CYTH3: variants seen among roughly 807,000 people sequenced by gnomAD.
CYTH3 encodes the protein cytohesin-3.
Under a neutral mutation model 55.1 loss-of-function variants are expected in CYTH3, and 23 were observed. That is an observed-to-expected ratio of 0.42 (90% CI 0.30 to 0.59). The LOEUF (loss-of-function observed/expected upper bound fraction) is 0.59, where lower values mean the gene tolerates loss of function less well. Among genes scored for constraint, CYTH3 ranks in the 20% least tolerant of loss-of-function variants. The probability of loss-of-function intolerance (pLI) is 0.20; values close to 1 mark genes in which losing one functional copy is unlikely to be tolerated. For synonymous variants in CYTH3, 249 were observed against 194.9 expected (o/e 1.28, Z -2.31); for missense variants, 413 against 524.8 (o/e 0.79, Z 2.08).
At chr7:6,258,081 C>A (rs1780175529) in intron 1 of CYTH3, among the ~76,000 whole-genome samples, 2 of 152,138 alleles carry the variant, frequency 1.3e-5, no homozygotes, top group Admixed American at 1.3e-4. Flanking sequence ...TAGGACCAGC[C>A]TGAGCAACGT....
chr7:6,169,035 CA>C lies in CYTH3; in HGVS notation c.823+1499del, dbSNP rs1400370573. Among the ~76,000 whole-genome samples the C allele has an allele frequency of 6.6e-6, 1 of 152,208 alleles. No individual in the cohort carries two copies. On this transcript the variant is annotated intron_variant, in intron 9 of 12. Transcript: ENST00000350796. This position sits in a 1 kb window ranked among gnomAD's most constrained non-coding sequence, Gnocchi z 4.1. ...AATCGGGTCTCTCAGGCACCCGAGC[CA>C]AAGACCATGGTACTAGGTTTTCAGG... is the stretch of plus-strand genomic sequence containing the variant.
rs778687948 is a variant in CYTH3 at position 6,165,307 on chromosome 7, G to A, written c.1093C>T (p.Pro365Ser). ...HVVYRISAPSPEEKEEWMKSI... is the reference protein window; with the variant it reads ...HVVYRISAPSSEEKEEWMKSI... ...TTCATCCACTCCTCCTTCTCCTCCGGGCTCGGGGCTGAGATCCGGTACACC... is the reference window on the plus strand; with the variant it reads ...TTCATCCACTCCTCCTTCTCCTCCGAGCTCGGGGCTGAGATCCGGTACACC... Residue 365 changes from proline to serine, a missense_variant, in exon 12 of 13, where the codon CCG becomes TCG. Pro to Ser is a moderately conservative substitution (Grantham distance 74, BLOSUM62 -1). Transcript: ENST00000350796. 6.2e-7 allele frequency: 1 copy of A among 1,613,922 alleles called. No homozygotes were observed.
chr7:6,259,811 ATAAT>A (rs1391145684), intron 1 of CYTH3, among the ~76,000 whole-genome samples: 2 of 26,388 alleles, frequency 7.6e-5, no homozygotes, highest in Non-Finnish European at 1.1e-4. Context: ...ATATATATAT[ATAAT>A]ATATATATAT....
At chr7:6,179,549 G>T (rs940945887) in intron 4 of CYTH3, among the ~76,000 whole-genome samples, 1 of 151,596 alleles carries the variant, frequency 6.6e-6, no homozygotes. Flanking sequence ...TGTATCTGGT[G>T]ATGGTACCCA....
At chr7:6,195,000 T>C (rs556435715) in intron 1 of CYTH3, among the ~76,000 whole-genome samples, 1 of 151,200 alleles carries the variant, frequency 6.6e-6, no homozygotes, top group East Asian at 1.9e-4. Context: ...TAAATAATTT[T>C]AAAAAAAGAA....
intron 1 of CYTH3, among the ~76,000 whole-genome samples, chr7:6,230,711 A>C (rs529201493): frequency 6.6e-6 from 1 of 152,372 alleles, no homozygotes; most frequent in East Asian, 1.9e-4. Flanking sequence ...TGTAATGACA[A>C]GGTAAACCTT....
At chr7:6,244,305 G>A (rs1008446502) in intron 1 of CYTH3, among the ~76,000 whole-genome samples, 4 of 152,192 alleles carry the variant, frequency 2.6e-5, no homozygotes, top group Middle Eastern at 3.2e-3. Flanking sequence ...ACTCAACTTC[G>A]TGGCAATTTT....
chr7:6,238,591 G>A (rs1257944246), intron 1 of CYTH3, among the ~76,000 whole-genome samples: 1 of 152,166 alleles, frequency 6.6e-6, no homozygotes, highest in African/African-American at 2.4e-5. Context: ...AAACTGTTCT[G>A]GATGATACTA....
chr7:6,243,180 T>G (rs900345219), intron 1 of CYTH3, among the ~76,000 whole-genome samples: 1 of 152,018 alleles, frequency 6.6e-6, no homozygotes, highest in African/African-American at 2.4e-5. Context: ...AGACATTGAG[T>G]GCAAAAATTA....
intron 1 of CYTH3, among the ~76,000 whole-genome samples, chr7:6,209,013 A>G (rs1449712075): frequency 1.3e-5 from 2 of 152,350 alleles, no homozygotes; most frequent in Non-Finnish European, 2.9e-5. Flanking sequence ...TTTGTTGAAC[A>G]GGGAAATTTG....
intron 1 of CYTH3, among the ~76,000 whole-genome samples, chr7:6,271,638 T>A (rs187419476): frequency 1.3e-5 from 2 of 152,158 alleles, no homozygotes; most frequent in Non-Finnish European, 2.9e-5. Context: ...CAGCAGTCAT[T>A]TGTATTCCAC....
chr7:6,177,945 A>G lies in CYTH3; in HGVS notation c.250-4T>C. The G allele has an allele frequency of 6.2e-7, 1 of 1,605,512 alleles. No individual in the cohort carries two copies. Among genetic ancestry groups the G allele is most frequent in the Non-Finnish European group, 8.5e-7 (1 of 1,172,160 alleles). On this transcript the variant is annotated splice_polypyrimidine_tract_variant and splice_region_variant and intron_variant, in intron 4 of 12. Transcript: ENST00000350796. ...TTTCTATTAGAAACTGAATTCCCTG[A>G]AGAACATTAAAATGGAAGCACTGGT...
Position 6,190,492 on chromosome 7 carries a change from A to G in CYTH3, c.74T>C (p.Leu25Pro), listed in dbSNP as rs1783775534. 2 of 1,520,416 alleles carry G rather than the reference A, an allele frequency of 1.3e-6. No individual in the cohort carries two copies. Among genetic ancestry groups the G allele is most frequent in the South Asian group, 1.2e-5 (1 of 80,470 alleles). 94.2% of individuals were successfully genotyped at this position (1,520,416 alleles called of 1,614,324 possible). A position where few individuals can be genotyped will look rare whatever the true frequency, so the allele number is the denominator to read the frequency against. ...TTCCTTTTTTCTTCGACGAATGTCT[A>G]GAAGTTCTTCTCTCTCTTCTAATGA... ...DLSLEEREEL[L>P]DIRRRKKELI... The change falls in exon 2 of 13, where the codon CTA (leucine) becomes CCA (proline). Residue 25 changes from leucine (L) to proline (P), a missense_variant. This residue lies in a region of CYTH3 where 152 missense variants were observed against 148.1 expected (regional missense o/e 1.03). Transcript: ENST00000350796.
intron 1 of CYTH3, among the ~76,000 whole-genome samples, chr7:6,254,468 A>T (rs1780050986): frequency 6.6e-6 from 1 of 152,248 alleles, no homozygotes; most frequent in South Asian, 2.1e-4. Flanking sequence ...TAACTTTTTG[A>T]GACGGAGTCT....
At chr7:6,265,792 T>C (rs924773257) in intron 1 of CYTH3, among the ~76,000 whole-genome samples, 1 of 151,908 alleles carries the variant, frequency 6.6e-6, no homozygotes, top group Non-Finnish European at 1.5e-5. Context: ...CTGGCTGCAG[T>C]GTGAACAAGG....
chr7:6,173,822 C>T (rs370587039), intron 5 of CYTH3, 89 bp from the exon 6 acceptor site: 8 of 793,400 alleles, frequency 1.0e-5, no homozygotes, highest in Admixed American at 1.9e-5. Context: ...TGGCTATGAA[C>T]GTTCATGCAC....
At chr7:6,238,600 T>C (rs1562404613) in intron 1 of CYTH3, among the ~76,000 whole-genome samples, 1 of 152,226 alleles carries the variant, frequency 6.6e-6, no homozygotes, top group African/African-American at 2.4e-5. Context: ...TGGATGATAC[T>C]ATAACGGTGG....
At chr7:6,272,038 G>A (rs954100155) in intron 1 of CYTH3, among the ~76,000 whole-genome samples, 2 of 152,078 alleles carry the variant, frequency 1.3e-5, no homozygotes, top group South Asian at 2.1e-4. Flanking sequence ...TTCCCCTCCC[G>A]GTTTCCCACC....
At chr7:6,188,009 G>GA (rs1783697938) in intron 2 of CYTH3, among the ~76,000 whole-genome samples, 1 of 151,104 alleles carries the variant, frequency 6.6e-6, no homozygotes, top group African/African-American at 2.5e-5. Flanking sequence ...AAGCACACTG[G>GA]GGGGGGAATA....
Sources: allele counts gnomAD v4.1 joint callset (sites outside exome capture counted in the v4.1 genomes callset), GRCh38; gene constraint gnomAD v4.1.1; regional missense constraint gnomAD v4.1.1; non-coding constraint Gnocchi (gnomAD v3.1); transcripts MANE v1.5; gene names NCBI Gene and HGNC (gene_info 2026-07-23, HGNC 2026-07-21).